TLN2: variants seen among roughly 807,000 people sequenced by gnomAD.
TLN2 encodes talin 2.
TLN2 carries 118 observed loss-of-function variants against 294.7 expected under a neutral mutation model. The observed-to-expected ratio is 0.40, with a 90% CI of 0.34 to 0.47. The LOEUF (loss-of-function observed/expected upper bound fraction) is 0.47, where lower values mean the gene tolerates loss of function less well. TLN2 is among the 20% of genes least tolerant of loss of function. The pLI is 0.84. For synonymous variants in TLN2, 1,431 were observed against 1,304.5 expected (o/e 1.10, Z -2.09); for missense variants, 3,083 against 3,282.2 (o/e 0.94, Z 1.48).
rs145824981 is a variant in TLN2, at chr15:62,486,128, A to G, written c.-238+95443A>G. Among the ~76,000 whole-genome samples the G allele has an allele frequency of 1.8e-3, 280 of 152,304 alleles. 3 individuals carry two copies. The highest frequency in any genetic ancestry group is 6.4e-3 in the African/African-American group (264 of 41,556). ...CATACTGTTTTCTCTGACCCATTTG[A>G]AAGTTGCACCATCATGCCCCTTTGC... On this transcript the variant is annotated intron_variant, in intron 1 of 58. Coordinates refer to ENST00000636159, the MANE Select transcript of TLN2 (RefSeq NM_015059.3).
At chr15:62,723,057 A>AT (rs1750217042) in intron 26 of TLN2, among the ~76,000 whole-genome samples, 1 of 152,178 alleles carries the variant, frequency 6.6e-6, no homozygotes, top group African/African-American at 2.4e-5. Flanking sequence ...AAAGGGCCTC[A>AT]TTTACTACTC....
intron 1 of TLN2, among the ~76,000 whole-genome samples, chr15:62,586,740 A>G (rs2045643817): frequency 6.6e-6 from 1 of 152,242 alleles, no homozygotes; most frequent in Admixed American, 6.5e-5. Context: ...CATCTGTACA[A>G]TTATGTCTCC....
At chr15:62,530,114 C>A (rs995064413) in intron 1 of TLN2, among the ~76,000 whole-genome samples, 2 of 152,126 alleles carry the variant, frequency 1.3e-5, no homozygotes, top group African/African-American at 4.8e-5. Context: ...TTGCTTGAAC[C>A]CGAGAGGCGC....
chr15:62,560,817 A>G (rs1218822443), intron 1 of TLN2, among the ~76,000 whole-genome samples: 1 of 152,208 alleles, frequency 6.6e-6, no homozygotes, highest in Admixed American at 6.5e-5. Flanking sequence ...TCTGCAGGTG[A>G]TGAGACTTGA....
chr15:62,713,271 CAAAAAAAAA>C (rs541064329), intron 22 of TLN2, among the ~76,000 whole-genome samples: 1 of 111,522 alleles, frequency 9.0e-6, no homozygotes, highest in African/African-American at 3.5e-5. Context: ...ACCTGCGTCT[CAAAAAAAAA>C]AAAAAAAAAC....
chr15:62,648,879 C>T (rs2052247393), intron 4 of TLN2, among the ~76,000 whole-genome samples: 1 of 150,334 alleles, frequency 6.7e-6, no homozygotes, highest in Non-Finnish European at 1.5e-5. Flanking sequence ...GGGTCTCGCT[C>T]TGTCACTGGA....
At chr15:62,393,901 A>C (rs533058740) in intron 1 of TLN2, among the ~76,000 whole-genome samples, 78 of 147,694 alleles carry the variant, frequency 5.3e-4, no homozygotes, top group Admixed American at 1.0e-3. Context: ...TCAGCCTTCC[A>C]AGTAGCTGGG....
At chr15:62,802,437 C>T (rs945517161) in intron 50 of TLN2, among the ~76,000 whole-genome samples, 12 of 141,330 alleles carry the variant, frequency 8.5e-5, no homozygotes, top group South Asian at 2.3e-4. Context: ...CACACACACA[C>T]ATATATATAA....
chr15:62,776,683 T>A, intron 42 of TLN2, 81 bp from the exon 43 acceptor site: 1 of 1,273,994 alleles, frequency 7.8e-7, no homozygotes, highest in Non-Finnish European at 1.0e-6. Flanking sequence ...TGGTTTTATA[T>A]TCTACTTTTG....
chr15:62,810,506 GA>G (rs1437675930), intron 52 of TLN2, among the ~76,000 whole-genome samples: 1 of 152,100 alleles, frequency 6.6e-6, no homozygotes, highest in Non-Finnish European at 1.5e-5. Context: ...ATCCTCGAAT[GA>G]ATGGCTTAGA....
chr15:62,577,731 A>T (rs1288976923), intron 1 of TLN2, among the ~76,000 whole-genome samples: 1 of 152,166 alleles, frequency 6.6e-6, no homozygotes, highest in Non-Finnish European at 1.5e-5. Flanking sequence ...TCTAGGGTAC[A>T]TGTGCACACC....
At chr15:62,750,350 C>T in intron 33 of TLN2, 52 bp from the exon 34 acceptor site, 1 of 1,490,648 alleles carries the variant, frequency 6.7e-7, no homozygotes, top group Non-Finnish European at 9.4e-7. Flanking sequence ...TGTTGAATTT[C>T]TTTTGCTCTA....
intron 2 of TLN2, among the ~76,000 whole-genome samples, chr15:62,614,625 CTT>C (rs1392678156): frequency 1.3e-5 from 2 of 152,076 alleles, no homozygotes; most frequent in Non-Finnish European, 2.9e-5. Flanking sequence ...CATGAATAGA[CTT>C]ATAATTAGTG....
At chr15:62,663,715 T>C (rs1396104426) in intron 9 of TLN2, among the ~76,000 whole-genome samples, 1 of 152,012 alleles carries the variant, frequency 6.6e-6, no homozygotes, top group African/African-American at 2.4e-5. Flanking sequence ...AAGACAGCTG[T>C]CCAATGATCT....
rs118170386 is a variant in TLN2, at chr15:62,675,472, G to A, written c.957+151G>A. ...TAGTGCTGACCTGCGTTTAGCTGCCGCACAGGCATGAGGGGTATGACCTGC... is the reference window on the plus strand; with the variant it reads ...TAGTGCTGACCTGCGTTTAGCTGCCACACAGGCATGAGGGGTATGACCTGC... On this transcript the variant is annotated intron_variant, in intron 11 of 58. Coordinates refer to ENST00000636159, the MANE Select transcript of TLN2 (RefSeq NM_015059.3). The A allele has an allele frequency of 7.6e-5, 55 of 724,306 alleles. No homozygotes were observed. In the African/African-American group the frequency reaches 8.7e-4, roughly 11 times the overall value. The allele number at this position is 724,306 out of a possible 1,614,324, so 44.9% of individuals were successfully genotyped here.
In TLN2 at chr15:62,652,034, A is replaced by G; in HGVS notation, c.264A>G (p.Arg88=). The part of the protein sequence containing the change: ...GDILEYKKKQ[R]PQKIRMLDGS... ...TTTTGGAATATAAAAAGAAACAGAG[A>G]CCTCAGAAAATCCGGATGCTGGATG... Residue 88 remains arginine (R), a synonymous_variant, in exon 6 of 59, where the codon AGA becomes AGG. Transcript: ENST00000636159. The G allele has an allele frequency of 6.2e-7, 1 of 1,611,336 alleles. No individual in the cohort carries two copies. The highest frequency in any genetic ancestry group is 8.5e-7 in the Non-Finnish European group (1 of 1,178,366).
intron 1 of TLN2, among the ~76,000 whole-genome samples, chr15:62,539,828 A>G (rs1266995625): frequency 6.6e-6 from 1 of 151,906 alleles, no homozygotes; most frequent in Non-Finnish European, 1.5e-5. Context: ...ATTAAACACT[A>G]ACTGAAGACA....
At chr15:62,593,736 C>T (rs1191044070) in intron 2 of TLN2, among the ~76,000 whole-genome samples, 1 of 152,158 alleles carries the variant, frequency 6.6e-6, no homozygotes, top group Non-Finnish European at 1.5e-5. Flanking sequence ...CTGTTTACAA[C>T]AAATCAGAAT....
intron 11 of TLN2, among the ~76,000 whole-genome samples, chr15:62,679,322 C>G (rs78113653): frequency 0.018 from 2,777 of 152,288 alleles, 91 homozygotes; most frequent in African/African-American, 0.063. Context: ...AAAACTCACA[C>G]ATATGTGTTC....
Sources: gnomAD v4.1 joint callset for allele counts (sites outside exome capture counted in the v4.1 genomes callset) on GRCh38, gnomAD v4.1.1 for gene constraint, MANE v1.5 for transcripts, NCBI Gene and HGNC (gene_info 2026-07-23, HGNC 2026-07-21) for gene names.